Variants in PLCB4 observed in about 807,000 individuals in gnomAD.
The protein encoded by PLCB4 is phospholipase C beta 4.
PLCB4 carries 77 observed loss-of-function variants against 178.8 expected under a neutral mutation model. The observed-to-expected ratio is 0.43, with a 90% confidence interval of 0.36 to 0.52. The LOEUF (loss-of-function observed/expected upper bound fraction) is 0.52. Among genes scored for constraint, PLCB4 ranks in the 20% least tolerant of loss-of-function variants. The probability of loss-of-function intolerance (pLI) is 0.00; values close to 1 mark genes in which losing one functional copy is unlikely to be tolerated. For synonymous variants in PLCB4, 496 were observed against 490.8 expected (o/e 1.01, Z -0.14); for missense variants, 1,024 against 1,453.4 (o/e 0.70, Z 4.80).
At chr20:9,130,460 G>A (rs929002332) in intron 2 of PLCB4, among the ~76,000 whole-genome samples, 8 of 152,122 alleles carry the variant, frequency 5.3e-5, no homozygotes, top group East Asian at 3.9e-4. Context: ...TTGCTGTGTC[G>A]TCTAGCTGGT....
At position 9,083,811 on chromosome 20, in the gene PLCB4, G is replaced by A. The variant is rs186075381; in HGVS notation, c.-134-12476G>A. ...GAGGACACGGGAGAAGGTAGCAGTC[G>A]TCAAGCCAAAGAGAGAGGTCTCAGG... On this transcript the variant is annotated intron_variant, in intron 1 of 39. Coordinates refer to ENST00000378473, the MANE Select transcript of PLCB4 (RefSeq NM_001377142.1). Among the ~76,000 whole-genome samples the A allele has an allele frequency of 2.2e-4, 33 of 152,250 alleles. No individual in the cohort carries two copies. The East Asian group carries it at 4.1e-3, about 19-fold the overall frequency.
Position 9,337,165 on chromosome 20 carries a change from G to T in PLCB4, c.124G>T (p.Asp42Tyr), listed in dbSNP as rs897976423. The change falls in exon 5 of 40, where the codon GAT becomes TAT. Residue 42 changes from aspartate (D) to tyrosine (Y), a missense_variant. This residue lies in a region of PLCB4 where 225 missense variants were observed against 291.0 expected (regional missense o/e 0.77). Transcript: ENST00000378473. ...TGAACCCAACTGCCTCTTCAAAGTG[G>T]ATGAGTTTGGCTTCTTTCTGACATG... is the stretch of plus-strand genomic sequence containing the variant. ...VFEPNCLFKV[D>Y]EFGFFLTWRS... 6.2e-7 allele frequency: 1 copy of T among 1,613,378 alleles called. No homozygotes were observed. Among genetic ancestry groups the T allele is most frequent in the East Asian group, 2.2e-5 (1 of 44,844 alleles).
At chr20:9,138,197 C>T (rs971559102) in intron 2 of PLCB4, among the ~76,000 whole-genome samples, 9 of 151,934 alleles carry the variant, frequency 5.9e-5, no homozygotes, top group African/African-American at 1.9e-4. Context: ...CTTGAAGATT[C>T]AGTGAGAAAT....
intron 2 of PLCB4, among the ~76,000 whole-genome samples, chr20:9,209,878 G>A (rs1321509266): frequency 6.6e-6 from 1 of 150,884 alleles, no homozygotes; most frequent in Non-Finnish European, 1.5e-5. Context: ...GCAGGAGAAT[G>A]GCGTGAACCC....
intron 2 of PLCB4, among the ~76,000 whole-genome samples, chr20:9,118,870 G>A (rs1375093418): frequency 6.6e-6 from 1 of 152,172 alleles, no homozygotes; most frequent in Non-Finnish European, 1.5e-5. Flanking sequence ...CACTATTGTG[G>A]TATCTGAATG....
chr20:9,141,508 G>A (rs948511898), intron 2 of PLCB4, among the ~76,000 whole-genome samples: 1 of 152,106 alleles, frequency 6.6e-6, no homozygotes, highest in African/African-American at 2.4e-5. Context: ...TACACTCTTT[G>A]CATGCTAGGA....
chr20:9,341,414 A>G (rs961567574), intron 7 of PLCB4, among the ~76,000 whole-genome samples: 1 of 152,198 alleles, frequency 6.6e-6, no homozygotes, highest in African/African-American at 2.4e-5. Flanking sequence ...TGGTATATGT[A>G]TTACCTATTG....
chr20:9,297,420 A>G (rs2094650937), intron 3 of PLCB4, among the ~76,000 whole-genome samples: 1 of 152,068 alleles, frequency 6.6e-6, no homozygotes, highest in Admixed American at 6.6e-5. Context: ...GGTACAATGT[A>G]TACTGCTTGG....
rs182954789 is a variant in PLCB4 at position 9,282,155 on chromosome 20, G to T, written c.-15-25645G>T. On this transcript the variant is annotated intron_variant, in intron 3 of 39. Transcript: ENST00000378473. Reference sequence around the variant, plus strand: ...GAACAAAATGTAGACACACAACTTTGTTATCACAGGGCATGATGACCAAGG... The same window carrying T: ...GAACAAAATGTAGACACACAACTTTTTTATCACAGGGCATGATGACCAAGG... Among the ~76,000 whole-genome samples the T allele has an allele frequency of 1.4e-4, 21 of 152,036 alleles. No homozygotes were observed. The East Asian group carries it at 3.5e-3, about 25-fold the overall frequency.
In PLCB4 at chr20:9,314,540, G is replaced by C. The variant is rs148193022; in HGVS notation, c.84+6642G>C. Among the ~76,000 whole-genome samples, 28 of 152,226 alleles carry C rather than the reference G, an allele frequency of 1.8e-4. No individual in the cohort carries two copies. The East Asian group carries it at 5.2e-3, about 28-fold the overall frequency. On this transcript the variant is annotated intron_variant, in intron 4 of 39. Coordinates refer to ENST00000378473, the MANE Select transcript of PLCB4 (RefSeq NM_001377142.1). The stretch of plus-strand genomic sequence containing the variant: ...CAAGGTGGAGAGAATGCCAGAGAAG[G>C]GGGTACATGTATGGATGCATTTATA...
intron 3 of PLCB4, among the ~76,000 whole-genome samples, chr20:9,273,972 C>A (rs138424631): frequency 1.3e-5 from 2 of 152,078 alleles, no homozygotes; most frequent in East Asian, 3.9e-4. Flanking sequence ...CAGGAAAGGA[C>A]GGATTAATAC....
intron 3 of PLCB4, among the ~76,000 whole-genome samples, chr20:9,251,140 T>G (rs558692491): frequency 1.8e-4 from 27 of 152,322 alleles, no homozygotes; most frequent in Admixed American, 1.6e-3. Flanking sequence ...CCAGCCATGG[T>G]GTGCAAATTG....
intron 1 of PLCB4, among the ~76,000 whole-genome samples, chr20:9,089,974 G>A (rs1361473417): frequency 2.6e-5 from 4 of 152,110 alleles, no homozygotes; most frequent in South Asian, 2.1e-4. Context: ...GTAAGCATTC[G>A]TAAAGGAGTC....
intron 2 of PLCB4, among the ~76,000 whole-genome samples, chr20:9,172,974 C>T (rs1385750061): frequency 6.6e-6 from 1 of 152,112 alleles, no homozygotes; most frequent in Non-Finnish European, 1.5e-5. Flanking sequence ...CAGGTTGACC[C>T]CATCCATGAT....
intron 15 of PLCB4, among the ~76,000 whole-genome samples, chr20:9,388,800 C>G (rs1846351486): frequency 6.6e-6 from 1 of 152,120 alleles, no homozygotes; most frequent in African/African-American, 2.4e-5. Context: ...TTTTGACCAG[C>G]AATGAATTCA....
intron 27 of PLCB4, among the ~76,000 whole-genome samples, chr20:9,422,383 G>T (rs1226468632): frequency 6.6e-6 from 1 of 152,168 alleles, no homozygotes; most frequent in African/African-American, 2.4e-5. Flanking sequence ...CACAATCTTC[G>T]CATCCCATTG....
intron 2 of PLCB4, among the ~76,000 whole-genome samples, chr20:9,209,536 C>T (rs924571552): frequency 4.6e-5 from 7 of 152,046 alleles, no homozygotes; most frequent in East Asian, 1.9e-4. Context: ...TTGGAGAGAC[C>T]GATTCAGAGA....
chr20:9,399,929 A>C (rs2038902858), intron 19 of PLCB4, among the ~76,000 whole-genome samples: 1 of 152,264 alleles, frequency 6.6e-6, no homozygotes, highest in Non-Finnish European at 1.5e-5. Flanking sequence ...TTCAAGAGAC[A>C]GGTAGATCCA....
At chr20:9,413,364 G>C (rs1019672727) in intron 25 of PLCB4, among the ~76,000 whole-genome samples, 8 of 149,876 alleles carry the variant, frequency 5.3e-5, no homozygotes, top group Admixed American at 2.6e-4. Flanking sequence ...TGGAATCCCA[G>C]CACTTTGGGA....
Sources: allele counts gnomAD v4.1 joint callset (sites outside exome capture counted in the v4.1 genomes callset), GRCh38; gene constraint gnomAD v4.1.1; regional missense constraint gnomAD v4.1.1; transcripts MANE v1.5; gene names NCBI Gene and HGNC (gene_info 2026-07-23, HGNC 2026-07-21).